The following PTGER3 variants were observed in gnomAD, a reference collection of about 807,000 sequenced individuals.
PTGER3 encodes the protein prostaglandin E2 receptor EP3 subtype.
Under a neutral mutation model 34.7 loss-of-function variants are expected in PTGER3, and 22 were observed. The ratio of observed to expected loss-of-function variants is 0.63; its 90% CI spans 0.45 to 0.91. PTGER3 has a LOEUF of 0.91. Among genes scored for constraint, PTGER3 ranks in the 40% least tolerant of loss-of-function variants. The probability of loss-of-function intolerance (pLI) is 0.00; values close to 1 mark genes in which losing one functional copy is unlikely to be tolerated. For synonymous variants in PTGER3, 241 were observed against 230.1 expected (o/e 1.05, Z -0.43); for missense variants, 468 against 519.4 (o/e 0.90, Z 0.96).
At chr1:70,972,773 T>C (rs962047216) in intron 3 of PTGER3, among the ~76,000 whole-genome samples, 36 of 152,048 alleles carry the variant, frequency 2.4e-4, no homozygotes, top group African/African-American at 6.8e-4. Flanking sequence ...TTAAAAAATG[T>C]ATATCATAAT....
At chr1:70,918,090 G>T (rs1270807258) in intron 4 of PTGER3, among the ~76,000 whole-genome samples, 1 of 151,886 alleles carries the variant, frequency 6.6e-6, no homozygotes, top group Non-Finnish European at 1.5e-5. Flanking sequence ...ATAAATCCAT[G>T]CATTTACAGC....
At chr1:71,009,686 G>A (rs1657274908) in intron 2 of PTGER3, 1 of 984,592 alleles carries the variant, frequency 1.0e-6, no homozygotes, top group African/African-American at 1.8e-5. Flanking sequence ...GGTTTTCTTG[G>A]CCTTTAATTG....
chr1:71,014,894 C>A (rs1199919648), intron 1 of PTGER3, among the ~76,000 whole-genome samples: 1 of 152,190 alleles, frequency 6.6e-6, no homozygotes, highest in Non-Finnish European at 1.5e-5. Flanking sequence ...TCCTCTCCAA[C>A]TAGAAAATCA....
chr1:70,855,047 C>A (rs1226899477), intron 4 of PTGER3, among the ~76,000 whole-genome samples: 2 of 152,124 alleles, frequency 1.3e-5, no homozygotes, highest in Non-Finnish European at 2.9e-5. Context: ...GCATTATTCT[C>A]AATACCAAGA....
At chr1:71,038,997 A>C (rs747747458) in intron 1 of PTGER3, among the ~76,000 whole-genome samples, 1 of 152,230 alleles carries the variant, frequency 6.6e-6, no homozygotes, top group Non-Finnish European at 1.5e-5. Flanking sequence ...GTTTGTGCAC[A>C]TATAGGATAA....
chr1:70,960,979 C>T (rs1651872212), intron 2 of PTGER3, among the ~76,000 whole-genome samples: 3 of 152,264 alleles, frequency 2.0e-5, no homozygotes, highest in South Asian at 4.1e-4. Flanking sequence ...GTCTCTCTTC[C>T]CACTGCACCC....
chr1:71,037,390 G>T (rs1311750909), intron 1 of PTGER3, among the ~76,000 whole-genome samples: 1 of 152,182 alleles, frequency 6.6e-6, no homozygotes, highest in African/African-American at 2.4e-5. Flanking sequence ...AATGTGAATA[G>T]CACTCTCTCG....
At chr1:71,032,677 A>T (rs1346595883) in intron 1 of PTGER3, among the ~76,000 whole-genome samples, 1 of 152,090 alleles carries the variant, frequency 6.6e-6, no homozygotes, top group African/African-American at 2.4e-5. Flanking sequence ...CTATAAGGCC[A>T]CCTCCACTCT....
At chr1:71,020,699 T>A (rs2817858) in intron 1 of PTGER3, among the ~76,000 whole-genome samples, 2,640 of 82,930 alleles carry the variant, frequency 0.032, 73 homozygotes, top group African/African-American at 0.15. Flanking sequence ...GTTAGCAGAG[T>A]GTGTGTGTGT....
intron 2 of PTGER3, chr1:71,006,362 A>G: frequency 1.0e-6 from 1 of 985,460 alleles, no homozygotes; most frequent in Non-Finnish European, 1.2e-6. Context: ...AGGAAGACCA[A>G]TAGTGACCTC....
intron 2 of PTGER3, among the ~76,000 whole-genome samples, chr1:70,997,579 G>C (rs1486224773): frequency 1.3e-5 from 2 of 152,110 alleles, no homozygotes; most frequent in Non-Finnish European, 2.9e-5. Context: ...TTAATTATTG[G>C]AAAGTAATTG....
At position 71,047,325 on chromosome 1, in the gene PTGER3, T is replaced by A. The variant is rs1395700989; in HGVS notation, c.253A>T (p.Lys85Ter). 1 of 1,606,494 alleles carries A rather than the reference T, an allele frequency of 6.2e-7. No homozygotes were observed. Among genetic ancestry groups the A allele is most frequent in the Non-Finnish European group, 8.5e-7 (1 of 1,177,282 alleles). ...RSYRRRESKR[K>*]KSFLLCIGWL... ...CCGATGCACAGCAGGAAGGACTTCT[T>A]GCGCTTGCTCTCCCGGCGCCGGTAG... is the stretch of plus-strand genomic sequence containing the variant. The change falls in exon 1 of 4, where the codon AAG becomes TAG. Residue 85 changes from lysine (K) to a stop codon, truncating the protein, a stop_gained. Transcript: ENST00000306666. LOFTEE classifies it high-confidence loss of function.
At chr1:71,001,593 A>G (rs1224954596) in intron 2 of PTGER3, among the ~76,000 whole-genome samples, 1 of 152,222 alleles carries the variant, frequency 6.6e-6, no homozygotes, top group African/African-American at 2.4e-5. Flanking sequence ...GCTGTTTTCC[A>G]GGACTCAGAA....
intron 2 of PTGER3, among the ~76,000 whole-genome samples, chr1:70,956,758 C>A (rs1448392138): frequency 1.3e-5 from 2 of 152,080 alleles, no homozygotes; most frequent in Admixed American, 1.3e-4. Flanking sequence ...AATCCTGACA[C>A]TTTGGGAAGC....
chr1:70,943,453 G>C (rs1232679870), intron 4 of PTGER3, among the ~76,000 whole-genome samples: 1 of 152,056 alleles, frequency 6.6e-6, no homozygotes, highest in Non-Finnish European at 1.5e-5. Flanking sequence ...TACCTTTGCA[G>C]ATTTACTAAA....
chr1:70,873,046 C>T (rs2100551273), intron 4 of PTGER3, among the ~76,000 whole-genome samples: 1 of 152,250 alleles, frequency 6.6e-6, no homozygotes, highest in Non-Finnish European at 1.5e-5. Context: ...TCTCTCTATC[C>T]TGCATCCTCA....
chr1:70,959,905 C>T lies in PTGER3; in HGVS notation c.1078-6116G>A, dbSNP rs565679890. On this transcript the variant is annotated intron_variant, in intron 2 of 3. Transcript: ENST00000356595. ...AAGTCCTAATTCCTGGTACCTAATG[C>T]GACCTTATTTGAAAATAAGGTCATT... 8.6e-5 allele frequency among the ~76,000 whole-genome samples: 13 copies of T among 152,026 alleles called. No individual in the cohort carries two copies. In the South Asian group the frequency reaches 1.5e-3, roughly 17 times the overall value.
chr1:70,911,728 GA>G (rs1280978325), intron 4 of PTGER3, among the ~76,000 whole-genome samples: 1 of 152,128 alleles, frequency 6.6e-6, no homozygotes, highest in Non-Finnish European at 1.5e-5. Context: ...TAGATTTCAT[GA>G]GACTGAAAAA....
At chr1:70,979,208 G>A (rs1246143079) in intron 2 of PTGER3, among the ~76,000 whole-genome samples, 1 of 151,812 alleles carries the variant, frequency 6.6e-6, no homozygotes, top group Non-Finnish European at 1.5e-5. Flanking sequence ...CCACAACGTG[G>A]TTTAATTACT....
Sources: allele counts gnomAD v4.1 joint callset (sites outside exome capture counted in the v4.1 genomes callset), GRCh38; gene constraint gnomAD v4.1.1; transcripts MANE v1.5; gene names NCBI Gene and HGNC (gene_info 2026-07-23, HGNC 2026-07-21).